Variants in TSPAN7 observed in about 807,000 individuals in gnomAD.
TSPAN7 encodes tetraspanin-7.
Under a neutral mutation model 17.6 loss-of-function variants are expected in TSPAN7, and 1 was observed. That is an observed-to-expected ratio of 0.06 (90% CI 0.02 to 0.27). The LOEUF is 0.27. Ranked by LOEUF, TSPAN7 falls within the 10% of genes least tolerant of loss-of-function variation. The pLI is 1.00. For missense variants in TSPAN7, 112 were observed against 201.7 expected (o/e 0.56, Z 2.69); for synonymous variants, 78 against 79.0 (o/e 0.99, Z 0.07).
At chrX:38,624,410 G>T (rs1320669087) in intron 1 of TSPAN7, among the ~76,000 whole-genome samples, 2 of 112,118 alleles carry the variant, frequency 1.8e-5, no homozygotes, top group Non-Finnish European at 3.8e-5. Context: ...ACTATGCAAG[G>T]ACAATTATTG....
At chrX:38,591,493 G>A (rs2069291509) in intron 1 of TSPAN7, among the ~76,000 whole-genome samples, 1 of 111,868 alleles carries the variant, frequency 8.9e-6, no homozygotes, top group Non-Finnish European at 1.9e-5. Flanking sequence ...AAAAGATTGT[G>A]TATTCTACTG....
intron 1 of TSPAN7, among the ~76,000 whole-genome samples, chrX:38,593,840 T>G (rs1371456309): frequency 1.8e-5 from 2 of 112,620 alleles, no homozygotes; most frequent in East Asian, 5.6e-4. Context: ...TTATAAATTA[T>G]ACAGTCTCAG....
chrX:38,577,848 A>G (rs377211935), intron 1 of TSPAN7, among the ~76,000 whole-genome samples: 1 of 109,624 alleles, frequency 9.1e-6, no homozygotes. Flanking sequence ...TAGGGGCAGA[A>G]GGAGAAAGTG....
rs755704008 is a variant in TSPAN7 at position 38,605,859 on chromosome X, T to C, written c.81+44232T>C. Reference sequence around the variant, plus strand: ...GTGCTGGGAAAACTGGCTAGCCATATGTAGAAAGCTGAAACTGGATCCCTT... The same window carrying C: ...GTGCTGGGAAAACTGGCTAGCCATACGTAGAAAGCTGAAACTGGATCCCTT... On this transcript the variant is annotated intron_variant, in intron 1 of 7. Transcript: ENST00000378482. 5.2e-3 allele frequency among the ~76,000 whole-genome samples: 562 copies of C among 108,415 alleles called. 3 individuals are homozygous for C. The highest frequency in any genetic ancestry group is 9.3e-3 in the Admixed American group (94 of 10,153). The allele number at this position is 108,415 out of a possible 115,157, so 94.1% of individuals were successfully genotyped here. A position where few individuals can be genotyped will look rare whatever the true frequency, so the allele number is the denominator to read the frequency against.
At chrX:38,651,079 T>C (rs1021182607) in intron 1 of TSPAN7, among the ~76,000 whole-genome samples, 2 of 103,527 alleles carry the variant, frequency 1.9e-5, no homozygotes, top group African/African-American at 7.9e-5. Flanking sequence ...ATATAGTTAA[T>C]AACAATCCCA....
intron 2 of TSPAN7, among the ~76,000 whole-genome samples, chrX:38,671,094 G>A (rs1248478054): frequency 1.8e-5 from 2 of 111,749 alleles, no homozygotes; most frequent in Admixed American, 1.9e-4. Flanking sequence ...GTTCCTTCCA[G>A]ATTTCTCCAG....
At chrX:38,619,162 C>T (rs2147422325) in intron 1 of TSPAN7, among the ~76,000 whole-genome samples, 1 of 110,684 alleles carries the variant, frequency 9.0e-6, no homozygotes, top group Non-Finnish European at 1.9e-5. Flanking sequence ...CCACTGCTGC[C>T]CCTGGGATAT....
At chrX:38,622,795 A>G in intron 1 of TSPAN7, 1 of 309,462 alleles carries the variant, frequency 3.2e-6, no homozygotes, top group Non-Finnish European at 6.2e-6. Context: ...TGTTTAGTCC[A>G]GACTTGGTTC....
At chrX:38,580,231 T>C (rs2069220661) in intron 1 of TSPAN7, among the ~76,000 whole-genome samples, 1 of 112,135 alleles carries the variant, frequency 8.9e-6, no homozygotes, top group Non-Finnish European at 1.9e-5. Flanking sequence ...GCCTAAAATA[T>C]TTACTATCTG....
At chrX:38,635,531 C>T (rs1176615053) in intron 1 of TSPAN7, among the ~76,000 whole-genome samples, 1 of 111,569 alleles carries the variant, frequency 9.0e-6, no homozygotes, top group Non-Finnish European at 1.9e-5. Flanking sequence ...ACACCATTTC[C>T]CATCTCAGTT....
intron 6 of TSPAN7, among the ~76,000 whole-genome samples, chrX:38,682,842 G>A (rs966561117): frequency 1.3e-4 from 15 of 111,954 alleles, no homozygotes; most frequent in African/African-American, 4.5e-4. Context: ...TCACTCTAAT[G>A]ACTGAGGGAC....
chrX:38,669,412 G>A (rs188595263), intron 2 of TSPAN7, among the ~76,000 whole-genome samples: 1 of 111,848 alleles, frequency 8.9e-6, no homozygotes, highest in East Asian at 2.8e-4. Context: ...CACAGCTAAT[G>A]TATGGAAGGC....
At position 38,649,375 on chromosome X, in the gene TSPAN7, G is replaced by A. The variant is rs747738035; in HGVS notation, c.82-16746G>A. ...GCCAATGCCATTGGATCATTTAAGA[G>A]AGACCTACTTTGAATGGTCCATAGA... On this transcript the variant is annotated intron_variant, in intron 1 of 7. Transcript: ENST00000378482. Among the ~76,000 whole-genome samples, 10 of 112,589 alleles carry A rather than the reference G, an allele frequency of 8.9e-5. No individual in the cohort carries two copies. In the South Asian group the frequency reaches 1.1e-3, roughly 12 times the overall value.
intron 1 of TSPAN7, among the ~76,000 whole-genome samples, chrX:38,618,581 C>T (rs1052766686): frequency 3.6e-5 from 4 of 111,715 alleles, no homozygotes; most frequent in African/African-American, 1.3e-4. Flanking sequence ...CATTTCCCCA[C>T]AAATCTTTTA....
intron 1 of TSPAN7, chrX:38,571,005 A>C (rs1481587252): frequency 8.9e-6 from 1 of 112,251 alleles, no homozygotes; most frequent in African/African-American, 3.2e-5. Context: ...TTATAGATTT[A>C]GGGAATACAA....
chrX:38,671,291 C>T (rs939065998), intron 2 of TSPAN7, 85 bp from the exon 3 acceptor site: 19 of 940,733 alleles, frequency 2.0e-5, no homozygotes, highest in African/African-American at 1.4e-4. Context: ...GTCTAATTCC[C>T]GCTGATTGAA....
intron 1 of TSPAN7, among the ~76,000 whole-genome samples, chrX:38,636,712 G>C (rs965468365): frequency 1.5e-4 from 17 of 109,777 alleles, no homozygotes; most frequent in Non-Finnish European, 2.9e-4. Flanking sequence ...GTCTCACTCT[G>C]TCACCCAGGC....
In TSPAN7 at chrX:38,561,657, G is replaced by A. The variant is rs2069111434; in HGVS notation, c.81+30G>A. The A allele has an allele frequency of 2.6e-6, 3 of 1,140,263 alleles. No individual in the cohort carries two copies. In the East Asian group the frequency reaches 9.1e-5, roughly 35 times the overall value. The allele number at this position is 1,140,263 out of a possible 1,213,427, so 94.0% of individuals were successfully genotyped here. ...GTGCCCACGCCGGGCCGGTGGCCGA[G>A]TCGCTGTCCATCGGTCCGTATGATG... On this transcript the variant is annotated intron_variant, in intron 1 of 7. Transcript: ENST00000378482.
chrX:38,669,080 T>G (rs1159819452), intron 2 of TSPAN7, among the ~76,000 whole-genome samples: 1 of 111,299 alleles, frequency 9.0e-6, no homozygotes, highest in Non-Finnish European at 1.9e-5. Context: ...TATTTAGCAA[T>G]AGCTAGAAGA....
Sources: allele counts gnomAD v4.1 joint callset (sites outside exome capture counted in the v4.1 genomes callset), GRCh38; gene constraint gnomAD v4.1.1; transcripts MANE v1.5; gene names NCBI Gene and HGNC (gene_info 2026-07-23, HGNC 2026-07-21).